The following POPDC3 variants were observed in gnomAD, a reference collection of about 807,000 sequenced individuals.
The protein encoded by POPDC3 is popeye domain cAMP effector 3.
In POPDC3, 20 loss-of-function variants were observed where a neutral mutation model predicts 28.2. The observed-to-expected ratio is 0.71, with a 90% CI of 0.50 to 1.03. POPDC3 has a LOEUF of 1.03. Ranked by LOEUF, POPDC3 falls within the 50% of genes least tolerant of loss-of-function variation. POPDC3 has a pLI of 0.00. For synonymous variants in POPDC3, 118 were observed against 124.1 expected, an observed-to-expected ratio of 0.95 and a Z score of 0.33; for missense variants, 316 against 345.9, an observed-to-expected ratio of 0.91 and a Z score of 0.69.
intron 2 of POPDC3, 54 bp downstream of exon 2, chr6:105,161,371 A>T (rs1774322462): frequency 6.4e-7 from 1 of 1,556,552 alleles, no homozygotes; most frequent in African/African-American, 1.4e-5. Context: ...TAGTGGAAAG[A>T]AACACAAACA....
intron 1 of POPDC3, among the ~76,000 whole-genome samples, chr6:105,173,460 A>G (rs1453871530): frequency 1.3e-5 from 2 of 152,188 alleles, no homozygotes; most frequent in African/African-American, 2.4e-5. Flanking sequence ...GGAGTAAGTA[A>G]TAATAACCAG....
intron 1 of POPDC3, among the ~76,000 whole-genome samples, chr6:105,171,691 A>G (rs1342839343): frequency 6.6e-6 from 1 of 151,028 alleles, no homozygotes; most frequent in Admixed American, 6.6e-5. Flanking sequence ...AATAATAATT[A>G]TTATTATTAA....
intron 1 of POPDC3, among the ~76,000 whole-genome samples, chr6:105,177,327 TG>T (rs1033787976): frequency 6.6e-5 from 10 of 151,976 alleles, no homozygotes; most frequent in African/African-American, 2.4e-4. Flanking sequence ...ACTCAAAGTG[TG>T]GGGTTTTTTT....
chr6:105,166,619 G>A (rs916158839), intron 1 of POPDC3: 6 of 470,936 alleles, frequency 1.3e-5, no homozygotes, highest in East Asian at 7.0e-5. Context: ...TTTTCCTTCC[G>A]TACACTCATC....
At chr6:105,171,963 C>T (rs914955584) in intron 1 of POPDC3, among the ~76,000 whole-genome samples, 1 of 150,972 alleles carries the variant, frequency 6.6e-6, no homozygotes, top group Non-Finnish European at 1.5e-5. Flanking sequence ...GGATTACAGG[C>T]GTGAGCCACT....
intron 1 of POPDC3, among the ~76,000 whole-genome samples, chr6:105,167,908 ATATTTCT>A (rs1774491693): frequency 6.6e-6 from 1 of 152,194 alleles, no homozygotes; most frequent in South Asian, 2.1e-4. Context: ...GGCTTGCATT[ATATTTCT>A]ATTGGACAGT....
Position 105,172,162 on chromosome 6 carries a change from C to T in POPDC3, c.-252+7671G>A, listed in dbSNP as rs532981950. Among the ~76,000 whole-genome samples, 27 of 27,828 alleles carry T rather than the reference C, an allele frequency of 9.7e-4. 2 individuals carry two copies. The highest frequency in any genetic ancestry group is 1.6e-3 in the African/African-American group (26 of 15,880). 18.3% of individuals were successfully genotyped at this position (27,828 alleles called of 152,430 possible). A position where few individuals can be genotyped will look rare whatever the true frequency, so the allele number is the denominator to read the frequency against. On this transcript the variant is annotated intron_variant, in intron 1 of 3. Transcript: ENST00000254765. ...ACAAAGGGCTAATACCCAGAATCTACAATGAACTCAAAACAAATTTACAAG... is the reference window on the plus strand; with the variant it reads ...ACAAAGGGCTAATACCCAGAATCTATAATGAACTCAAAACAAATTTACAAG...
intron 1 of POPDC3, among the ~76,000 whole-genome samples, chr6:105,165,816 T>A (rs1380066950): frequency 6.6e-6 from 1 of 152,202 alleles, no homozygotes; most frequent in Admixed American, 6.5e-5. Flanking sequence ...GAAAATTCCA[T>A]CAATATTCTA....
At chr6:105,177,547 A>C (rs1182192244) in intron 1 of POPDC3, among the ~76,000 whole-genome samples, 1 of 152,264 alleles carries the variant, frequency 6.6e-6, no homozygotes, top group Non-Finnish European at 1.5e-5. Flanking sequence ...CTTCCAAAGA[A>C]GACAGGAAGA....
chr6:105,172,555 T>G (rs1774599155), intron 1 of POPDC3, among the ~76,000 whole-genome samples: 1 of 150,860 alleles, frequency 6.6e-6, no homozygotes, highest in Admixed American at 6.6e-5. Context: ...CAAAGGATTA[T>G]AAATCATGCT....
At chr6:105,171,732 T>TAAACACCACATGTTCTCACTCA (rs1554198593) in intron 1 of POPDC3, among the ~76,000 whole-genome samples, 3 of 151,252 alleles carry the variant, frequency 2.0e-5, no homozygotes, top group African/African-American at 7.3e-5. Flanking sequence ...AGCCTGCATT[T>TAAACACCACATGTTCTCACTCA]TAGTGAAATT....
rs570215959 is a variant in POPDC3, at chr6:105,157,944, A to C, written c.*526T>G. ...TATTTGTAGCAATAAAATAGGCTTC[A>C]AGATTCACATATTATTATCTCTTGC... On this transcript the variant is annotated 3_prime_UTR_variant, in exon 4 of 4. Transcript: ENST00000254765. Among the ~76,000 whole-genome samples the C allele has an allele frequency of 6.6e-6, 1 of 152,378 alleles. No homozygotes were observed. The highest frequency in any genetic ancestry group is 2.1e-4 in the South Asian group (1 of 4,830).
At chr6:105,165,185 G>A (rs1774432263) in intron 1 of POPDC3, among the ~76,000 whole-genome samples, 1 of 152,180 alleles carries the variant, frequency 6.6e-6, no homozygotes, top group Non-Finnish European at 1.5e-5. Flanking sequence ...TCTCAAGACT[G>A]TGAATCAAAT....
chr6:105,162,200 A>G, intron 1 of POPDC3, 40 bp from the exon 2 acceptor site: 1 of 1,119,680 alleles, frequency 8.9e-7, no homozygotes, highest in Non-Finnish European at 1.1e-6. Context: ...TAATTAAACA[A>G]AAAGGAGAAT....
intron 1 of POPDC3, among the ~76,000 whole-genome samples, chr6:105,174,130 C>T (rs1774635680): frequency 6.6e-6 from 1 of 152,202 alleles, no homozygotes; most frequent in Non-Finnish European, 1.5e-5. Context: ...CAACCTCCGC[C>T]TCCCGGGTTC....
chr6:105,179,538 G>A (rs939603043), intron 1 of POPDC3, among the ~76,000 whole-genome samples: 1 of 152,196 alleles, frequency 6.6e-6, no homozygotes, highest in African/African-American at 2.4e-5. Flanking sequence ...CATACGACTC[G>A]CGTTCTTCAG....
chr6:105,158,648 A>C lies in POPDC3; in HGVS notation c.698T>G (p.Val233Gly), dbSNP rs776338492. Residue 233 changes from valine (V) to glycine (G), a missense_variant, in exon 4 of 4, where the codon GTG becomes GGG. Val to Gly is a moderately radical substitution (Grantham distance 109). Transcript: ENST00000254765. Reference protein sequence around the residue: ...QHRYISRLFSVLIGSDIADKL... With the variant: ...QHRYISRLFSGLIGSDIADKL... ...ATCTGCAATGTCACTGCCAATTAGC[A>C]CTGAAAAAAGGCGGGAGATGTAGCG... 1.2e-6 allele frequency: 2 copies of C among 1,614,160 alleles called. No individual in the cohort carries two copies. Among genetic ancestry groups the C allele is most frequent in the Non-Finnish European group, 1.7e-6 (2 of 1,180,016 alleles).
At position 105,158,612 on chromosome 6, in the gene POPDC3, G is replaced by T. The variant is rs1271677925; in HGVS notation, c.734C>A (p.Ala245Asp). 2.5e-6 allele frequency: 4 copies of T among 1,614,092 alleles called. No homozygotes were observed. The highest frequency in any genetic ancestry group is 3.4e-6 in the Non-Finnish European group (4 of 1,180,010). Residue 245 changes from alanine to aspartate, a missense_variant, in exon 4 of 4, where the codon GCC (alanine) becomes GAC (aspartate). Physicochemically the swap from Ala to Asp is moderately radical, Grantham distance 126 (BLOSUM62 -2). Transcript: ENST00000254765. ...TCCTATATATACCCTGTCATTCAAG[G>T]CATAGAGTTTATCTGCAATGTCACT... ...IGSDIADKLY[A>D]LNDRVYIGKR...
At chr6:105,163,065 AC>A (rs767003204) in intron 1 of POPDC3, among the ~76,000 whole-genome samples, 6 of 152,166 alleles carry the variant, frequency 3.9e-5, no homozygotes, top group Non-Finnish European at 4.4e-5. Flanking sequence ...ATGATAAGGA[AC>A]CCTACTATAT....
Sources: gnomAD v4.1 joint callset for allele counts (sites outside exome capture counted in the v4.1 genomes callset) on GRCh38, gnomAD v4.1.1 for gene constraint, MANE v1.5 for transcripts, NCBI Gene and HGNC (gene_info 2026-07-23, HGNC 2026-07-21) for gene names.